Variants in ANKRD6 observed in about 807,000 individuals in gnomAD.
ANKRD6 encodes the protein ankyrin repeat domain-containing protein 6.
A neutral mutation model predicts 82.3 loss-of-function variants in ANKRD6; 56 were observed. That is an observed-to-expected ratio of 0.68 (90% confidence interval 0.55 to 0.85). ANKRD6 has a LOEUF of 0.85. ANKRD6 is among the 40% of genes least tolerant of loss of function. The pLI, the probability that ANKRD6 is intolerant of heterozygous loss-of-function variation, is 0.00. For missense variants in ANKRD6, 852 were observed against 907.6 expected (o/e 0.94, Z 0.79); for synonymous variants, 347 against 352.1 (o/e 0.99, Z 0.16).
chr6:89,484,226 G>A (rs1336033571), intron 1 of ANKRD6, among the ~76,000 whole-genome samples: 2 of 152,128 alleles, frequency 1.3e-5, no homozygotes, highest in Middle Eastern at 3.2e-3. Context: ...ATATTTTGAA[G>A]TGTTTTTTCT....
rs1330106110 is a variant in ANKRD6, at chr6:89,464,427, T to C, written c.-144+31052T>C. ...TCCAACTTAATCATCCTTGCCTCCA[T>C]ACAGAAATCCCAAGGTGCCCTAGGT... is the stretch of plus-strand genomic sequence containing the variant. On this transcript the variant is annotated intron_variant, in intron 1 of 15. Coordinates refer to ENST00000339746, the MANE Select transcript of ANKRD6 (RefSeq NM_001242809.2). 3.3e-5 allele frequency among the ~76,000 whole-genome samples: 5 copies of C among 152,338 alleles called. No individual in the cohort carries two copies. The South Asian group carries it at 1.0e-3, about 32-fold the overall frequency.
intron 8 of ANKRD6, chr6:89,616,882 C>A: frequency 1.5e-6 from 1 of 660,230 alleles, no homozygotes; most frequent in Non-Finnish European, 2.8e-6. Context: ...AGCTGCCTGA[C>A]TGCAGTGAAC....
At chr6:89,455,753 TAA>T (rs1262910756) in intron 1 of ANKRD6, among the ~76,000 whole-genome samples, 1 of 152,082 alleles carries the variant, frequency 6.6e-6, no homozygotes, top group African/African-American at 2.4e-5. Flanking sequence ...GCTATAATTG[TAA>T]GTTTCCTGAG....
rs994997468 is a variant in ANKRD6, at chr6:89,622,754, C to T, written c.898-656C>T. Among the ~76,000 whole-genome samples, 4 of 152,254 alleles carry T rather than the reference C, an allele frequency of 2.6e-5. No individual in the cohort carries two copies. The South Asian group carries it at 6.2e-4, about 24-fold the overall frequency. ...GGAATAAACCATGCCTTTGAGTTCA[C>T]TCAGGAGGGAGAAGTCTGGGATATA... On this transcript the variant is annotated intron_variant, in intron 10 of 15. Transcript: ENST00000339746.
At chr6:89,552,629 G>A (rs1164205520) in intron 1 of ANKRD6, among the ~76,000 whole-genome samples, 1 of 152,118 alleles carries the variant, frequency 6.6e-6, no homozygotes, top group Non-Finnish European at 1.5e-5. Flanking sequence ...CTTTACATAG[G>A]CATACATACA....
intron 11 of ANKRD6, 122 bp downstream of exon 11, chr6:89,623,666 A>C: frequency 2.1e-6 from 3 of 1,407,384 alleles, no homozygotes; most frequent in Non-Finnish European, 2.8e-6. Flanking sequence ...TTGGAGCCAG[A>C]GCACAGAAAT....
intron 2 of ANKRD6, among the ~76,000 whole-genome samples, chr6:89,594,290 A>G (rs1441471074): frequency 6.6e-6 from 1 of 151,924 alleles, no homozygotes; most frequent in Non-Finnish European, 1.5e-5. Context: ...CCATCTCTAC[A>G]AAAAAATAGA....
intron 1 of ANKRD6, among the ~76,000 whole-genome samples, chr6:89,490,546 C>A (rs1777898116): frequency 1.3e-5 from 2 of 152,184 alleles, no homozygotes; most frequent in African/African-American, 4.8e-5. Context: ...TGGAGATGCT[C>A]AGATGATAGC....
At chr6:89,590,829 T>C (rs1267599893) in intron 2 of ANKRD6, among the ~76,000 whole-genome samples, 1 of 152,232 alleles carries the variant, frequency 6.6e-6, no homozygotes, top group African/African-American at 2.4e-5. Context: ...TCAGTTTCCT[T>C]ATCTATAAAA....
chr6:89,629,455 A>G, intron 15 of ANKRD6: 1 of 628,482 alleles, frequency 1.6e-6, no homozygotes, highest in Non-Finnish European at 2.8e-6. Context: ...ACTTATTTGA[A>G]TAAAGGAATT....
intron 1 of ANKRD6, among the ~76,000 whole-genome samples, chr6:89,541,140 T>G (rs552957862): frequency 1.3e-5 from 2 of 150,504 alleles, no homozygotes; most frequent in Non-Finnish European, 2.9e-5. Flanking sequence ...AATTTTAGGA[T>G]TTTTTTTTCT....
chr6:89,476,311 G>T (rs1208228855), intron 1 of ANKRD6, among the ~76,000 whole-genome samples: 2 of 151,806 alleles, frequency 1.3e-5, no homozygotes, highest in African/African-American at 4.8e-5. Context: ...TCAGCCTCCC[G>T]AGTAGCTGGG....
intron 1 of ANKRD6, among the ~76,000 whole-genome samples, chr6:89,521,175 C>T (rs1781841240): frequency 6.6e-6 from 1 of 152,130 alleles, no homozygotes; most frequent in South Asian, 2.1e-4. Flanking sequence ...CAACCTGAGG[C>T]TTCTGTGGTC....
intron 1 of ANKRD6, among the ~76,000 whole-genome samples, chr6:89,560,446 T>G (rs553060724): frequency 1.2e-4 from 19 of 152,320 alleles, no homozygotes; most frequent in Admixed American, 3.3e-4. Context: ...ATCTCCTATT[T>G]CCAAATACAG....
chr6:89,577,878 C>T (rs73752778), intron 2 of ANKRD6, among the ~76,000 whole-genome samples: 11,250 of 152,188 alleles, frequency 0.074, 519 homozygotes, highest in Middle Eastern at 0.15. Context: ...TTATCTTCTC[C>T]AAAAGGAAGT....
chr6:89,454,806 G>A (rs1215242496), intron 1 of ANKRD6, among the ~76,000 whole-genome samples: 1 of 151,954 alleles, frequency 6.6e-6, no homozygotes, highest in Non-Finnish European at 1.5e-5. Flanking sequence ...AGATAACGTA[G>A]TTTGGTGTTG....
At chr6:89,605,297 G>C (rs1355576315) in intron 4 of ANKRD6, among the ~76,000 whole-genome samples, 2 of 152,134 alleles carry the variant, frequency 1.3e-5, no homozygotes, top group Non-Finnish European at 2.9e-5. Context: ...CAGGAGAATC[G>C]CTTGAACTCT....
intron 2 of ANKRD6, among the ~76,000 whole-genome samples, chr6:89,594,671 G>T (rs1261320077): frequency 6.6e-6 from 1 of 152,088 alleles, no homozygotes; most frequent in African/African-American, 2.4e-5. Context: ...AATGGTTGGT[G>T]GTTATGTGAA....
intron 1 of ANKRD6, among the ~76,000 whole-genome samples, chr6:89,534,677 G>T (rs1298298070): frequency 1.3e-5 from 2 of 152,154 alleles, no homozygotes; most frequent in Non-Finnish European, 2.9e-5. Context: ...CAGGTGCAGG[G>T]GTTCAGTGGT....
Sources: allele counts gnomAD v4.1 joint callset (sites outside exome capture counted in the v4.1 genomes callset), GRCh38; gene constraint gnomAD v4.1.1; transcripts MANE v1.5; gene names NCBI Gene and HGNC (gene_info 2026-07-23, HGNC 2026-07-21).